The following INSC variants were observed in gnomAD, a reference collection of about 807,000 sequenced individuals.
The protein encoded by INSC is INSC spindle orientation adaptor protein.
INSC carries 67 observed loss-of-function variants against 58.6 expected under a neutral mutation model. That is an observed-to-expected ratio of 1.14 (90% CI 0.94 to 1.40). The LOEUF (loss-of-function observed/expected upper bound fraction) is 1.40. Among genes scored for constraint, INSC ranks in the 40% most tolerant of loss-of-function variants. INSC has a pLI of 0.00. For missense variants in INSC, 714 were observed against 692.0 expected (o/e 1.03, Z -0.36); for synonymous variants, 262 against 276.1 (o/e 0.95, Z 0.51).
At chr11:15,120,571 G>T (rs571046127) in intron 1 of INSC, among the ~76,000 whole-genome samples, 11 of 152,302 alleles carry the variant, frequency 7.2e-5, no homozygotes, top group African/African-American at 2.6e-4. Flanking sequence ...GCCTAACGTG[G>T]TAAGTTTGGG....
chr11:15,225,563 C>T lies in INSC; in HGVS notation c.992-87C>T, dbSNP rs1347110812. 5.3e-6 allele frequency: 7 copies of T among 1,327,968 alleles called. No individual in the cohort carries two copies. The East Asian group carries it at 1.4e-4, about 27-fold the overall frequency. The allele number at this position is 1,327,968 out of a possible 1,614,324, so 82.3% of individuals were successfully genotyped here. Reference sequence around the variant, plus strand: ...GTATTATAACACCTGCTCAAACGATCTCCCAGAGGTATTGTGTGAACCAAA... The same window carrying T: ...GTATTATAACACCTGCTCAAACGATTTCCCAGAGGTATTGTGTGAACCAAA... On this transcript the variant is annotated intron_variant, in intron 8 of 12. Coordinates refer to ENST00000379556, the MANE Select transcript of INSC (RefSeq NM_001042536.3).
intron 7 of INSC, among the ~76,000 whole-genome samples, chr11:15,217,544 G>C (rs1191390267): frequency 1.3e-5 from 2 of 152,144 alleles, no homozygotes; most frequent in African/African-American, 4.8e-5. Context: ...CAGTGGTGTG[G>C]GGCGCTTGAG....
intron 8 of INSC, among the ~76,000 whole-genome samples, chr11:15,224,603 G>A (rs1052455859): frequency 6.6e-6 from 1 of 152,180 alleles, no homozygotes; most frequent in Non-Finnish European, 1.5e-5. Context: ...GGCCTGGACC[G>A]GAGAAGTACC....
chr11:15,160,652 G>C (rs1158965473), intron 2 of INSC, among the ~76,000 whole-genome samples: 1 of 152,218 alleles, frequency 6.6e-6, no homozygotes, highest in African/African-American at 2.4e-5. Context: ...CTCTCAATCA[G>C]AGGGCATCTA....
chr11:15,141,572 A>G (rs542422569), intron 1 of INSC, among the ~76,000 whole-genome samples: 18 of 152,216 alleles, frequency 1.2e-4, no homozygotes, highest in Non-Finnish European at 2.5e-4. Flanking sequence ...ATATTTCATG[A>G]GGCTCAGTTC....
chr11:15,211,230 T>C (rs1206937976), intron 7 of INSC, among the ~76,000 whole-genome samples: 1 of 152,238 alleles, frequency 6.6e-6, no homozygotes, highest in Non-Finnish European at 1.5e-5. Flanking sequence ...AGTGCTCTGC[T>C]TGTGACCAAC....
intron 1 of INSC, among the ~76,000 whole-genome samples, chr11:15,121,208 G>C (rs1451663247): frequency 3.3e-5 from 5 of 151,972 alleles, no homozygotes; most frequent in Non-Finnish European, 7.4e-5. Context: ...TGTCTTTATG[G>C]CTCCCCAATC....
chr11:15,156,966 G>A (rs1848835752), intron 2 of INSC, among the ~76,000 whole-genome samples: 1 of 152,180 alleles, frequency 6.6e-6, no homozygotes. Flanking sequence ...CTATAACCTG[G>A]TATGTGGAGA....
chr11:15,193,240 T>C (rs946804533), intron 6 of INSC, among the ~76,000 whole-genome samples: 9 of 152,228 alleles, frequency 5.9e-5, no homozygotes, highest in African/African-American at 1.4e-4. Flanking sequence ...AAGTGAGTTA[T>C]TTAGAACGAG....
chr11:15,163,163 C>T (rs1383130819), intron 2 of INSC, among the ~76,000 whole-genome samples: 1 of 152,168 alleles, frequency 6.6e-6, no homozygotes, highest in African/African-American at 2.4e-5. Flanking sequence ...CTGGCTCACA[C>T]TTTATTTCCT....
Position 15,225,729 on chromosome 11 carries a change from A to G in INSC, c.1071A>G (p.Thr357=). ...TTGCCAACATCACGTTCTTTGACAC[A>G]ATGGCCTGCGAGATGCTCCTGCAGT... ...AALANITFFD[T]MACEMLLQLN... The change falls in exon 9 of 13, where the codon ACA becomes ACG. Residue 357 remains threonine, a synonymous_variant. Coordinates refer to ENST00000379556, the MANE Select transcript of INSC (RefSeq NM_001042536.3). 6.2e-7 allele frequency: 1 copy of G among 1,614,106 alleles called. No homozygotes were observed. Among genetic ancestry groups the G allele is most frequent in the Non-Finnish European group, 8.5e-7 (1 of 1,180,008 alleles).
intron 1 of INSC, among the ~76,000 whole-genome samples, chr11:15,143,773 G>C (rs1425770964): frequency 6.6e-6 from 1 of 152,130 alleles, no homozygotes; most frequent in Non-Finnish European, 1.5e-5. Flanking sequence ...AAAAAAATAT[G>C]ATGAGGGAAA....
the INSC span, among the ~76,000 whole-genome samples, chr11:15,261,503 A>G: frequency 6.6e-6 from 1 of 152,172 alleles, no homozygotes; most frequent in South Asian, 2.1e-4. Flanking sequence ...TTAAGCACCT[A>G]TTTTGAATTA....
downstream of INSC, among the ~76,000 whole-genome samples, chr11:15,247,733 G>GTATATATATATATAAATA (rs1852605114): frequency 7.8e-6 from 1 of 127,458 alleles, no homozygotes; most frequent in Admixed American, 7.8e-5. Context: ...TAGAAATAAG[G>GTATATATATATATAAATA]TATATATATA....
the INSC span, among the ~76,000 whole-genome samples, chr11:15,265,865 C>A: frequency 8.1e-6 from 1 of 124,000 alleles, no homozygotes; most frequent in African/African-American, 3.0e-5. Context: ...TTTCTGTATC[C>A]TTCTATTTTA....
intron 1 of INSC, among the ~76,000 whole-genome samples, chr11:15,118,030 A>C (rs1489272444): frequency 3.9e-5 from 6 of 152,150 alleles, no homozygotes; most frequent in Admixed American, 3.9e-4. Context: ...CTGGCCCCGC[A>C]GCCACCCCTT....
intron 9 of INSC, 74 bp from the exon 10 acceptor site, chr11:15,235,528 C>A: frequency 8.7e-7 from 1 of 1,154,522 alleles, no homozygotes; most frequent in Non-Finnish European, 1.3e-6. Flanking sequence ...TAGCCCCTGG[C>A]TGACCTGTCT....
At position 15,193,281 on chromosome 11, in the gene INSC, AT is replaced by A. The variant is rs1309712454; in HGVS notation, c.693+2474del. On this transcript the variant is annotated intron_variant, in intron 6 of 12. Coordinates refer to ENST00000379556, the MANE Select transcript of INSC (RefSeq NM_001042536.3). Reference sequence around the variant, plus strand: ...AATTCAAGAATATTTCTGGAAGGCAATTTTTTTAACCACTTTTTAATTATTA... The same window carrying A: ...AATTCAAGAATATTTCTGGAAGGCAATTTTTTAACCACTTTTTAATTATTA... 1.2e-4 allele frequency among the ~76,000 whole-genome samples: 19 copies of A among 152,306 alleles called. No homozygotes were observed. The South Asian group carries it at 3.9e-3, about 32-fold the overall frequency.
intron 1 of INSC, among the ~76,000 whole-genome samples, chr11:15,141,562 A>G (rs1564865725): frequency 6.6e-6 from 1 of 152,132 alleles, no homozygotes; most frequent in Non-Finnish European, 1.5e-5. Context: ...AGAGCTGTCT[A>G]TATTTCATGA....
Sources: allele counts gnomAD v4.1 joint callset (sites outside exome capture counted in the v4.1 genomes callset), GRCh38; gene constraint gnomAD v4.1.1; transcripts MANE v1.5; gene names NCBI Gene and HGNC (gene_info 2026-07-23, HGNC 2026-07-21).